SMYD3: variants seen among roughly 807,000 people sequenced by gnomAD.
SMYD3 encodes the protein histone-lysine N-methyltransferase SMYD3.
In SMYD3, 36 loss-of-function variants were observed where a neutral mutation model predicts 57.7. The ratio of observed to expected loss-of-function variants is 0.62; its 90% CI spans 0.48 to 0.82. SMYD3 has a LOEUF of 0.82. SMYD3 is among the 40% of genes least tolerant of loss of function. The pLI, the probability that SMYD3 is intolerant of heterozygous loss-of-function variation, is 0.00. For synonymous variants in SMYD3, 211 were observed against 195.0 expected, an observed-to-expected ratio of 1.08 and a Z score of -0.68; for missense variants, 515 against 538.8, an observed-to-expected ratio of 0.96 and a Z score of 0.44.
At chr1:245,820,592 G>A (rs890684325) in intron 10 of SMYD3, among the ~76,000 whole-genome samples, 2 of 152,092 alleles carry the variant, frequency 1.3e-5, no homozygotes, top group Admixed American at 1.3e-4. Context: ...ATTAGGAAAA[G>A]ACAAGTCAAA....
intron 1 of SMYD3, among the ~76,000 whole-genome samples, chr1:246,501,209 T>C (rs1189134659): frequency 6.6e-6 from 1 of 152,204 alleles, no homozygotes; most frequent in African/African-American, 2.4e-5. Context: ...GTAACGTCTT[T>C]TTACATTATT....
chr1:245,899,556 CATGGACTATA>C (rs2054051522), intron 8 of SMYD3, among the ~76,000 whole-genome samples: 1 of 152,186 alleles, frequency 6.6e-6, no homozygotes, highest in Non-Finnish European at 1.5e-5. Flanking sequence ...TTAGATACAG[CATGGACTATA>C]ATCCAGCAGA....
intron 5 of SMYD3, among the ~76,000 whole-genome samples, chr1:246,175,949 T>A (rs1243165495): frequency 4.6e-5 from 7 of 152,212 alleles, no homozygotes; most frequent in Admixed American, 4.6e-4. Context: ...CTTAAATACA[T>A]TCTCTATGAA....
chr1:245,916,496 A>G (rs191176619), intron 7 of SMYD3, among the ~76,000 whole-genome samples: 21 of 152,188 alleles, frequency 1.4e-4, no homozygotes, highest in African/African-American at 3.9e-4. Context: ...GAGCATTCTC[A>G]CTCTCAGTTG....
chr1:246,302,044 G>T (rs771397494), intron 5 of SMYD3, among the ~76,000 whole-genome samples: 1 of 152,088 alleles, frequency 6.6e-6, no homozygotes, highest in Non-Finnish European at 1.5e-5. Flanking sequence ...TAGAAATACC[G>T]CGTTTCCCTG....
At chr1:246,083,660 A>T (rs933420030) in intron 5 of SMYD3, among the ~76,000 whole-genome samples, 4 of 152,194 alleles carry the variant, frequency 2.6e-5, no homozygotes, top group Non-Finnish European at 5.9e-5. Flanking sequence ...AGCAGACAGG[A>T]AGAGCCAGTT....
intron 5 of SMYD3, among the ~76,000 whole-genome samples, chr1:246,029,609 T>C (rs533448931): frequency 1.6e-4 from 24 of 148,876 alleles, no homozygotes; most frequent in African/African-American, 5.2e-4. Context: ...GAGACAGAGG[T>C]TGCAGTGAGC....
chr1:246,316,633 G>A (rs1317573897), intron 5 of SMYD3, among the ~76,000 whole-genome samples: 1 of 135,736 alleles, frequency 7.4e-6, no homozygotes, highest in Non-Finnish European at 1.5e-5. Flanking sequence ...CACCCACCTT[G>A]GCCTCCCAAA....
intron 10 of SMYD3, among the ~76,000 whole-genome samples, chr1:245,844,738 A>G (rs2050577837): frequency 1.4e-5 from 1 of 69,148 alleles, no homozygotes; most frequent in African/African-American, 5.8e-5. Flanking sequence ...ATGAAAGGCC[A>G]AGAACGGACG....
intron 10 of SMYD3, among the ~76,000 whole-genome samples, chr1:245,783,361 T>C (rs771939999): frequency 3.9e-5 from 6 of 152,318 alleles, no homozygotes; most frequent in East Asian, 3.9e-4. Flanking sequence ...AGACTGAGCA[T>C]ATCCATCTGT....
At chr1:245,930,228 C>A in intron 5 of SMYD3, 2 of 461,374 alleles carry the variant, frequency 4.3e-6, no homozygotes. Flanking sequence ...TTATCCACTA[C>A]CCCAAAGTTA....
Position 246,136,423 on chromosome 1 carries a change from C to A in SMYD3, c.531+190778G>T, listed in dbSNP as rs1431119068. Among the ~76,000 whole-genome samples the A allele has an allele frequency of 2.0e-5, 3 of 152,116 alleles. No individual in the cohort carries two copies. In the East Asian group the frequency reaches 5.8e-4, roughly 29 times the overall value. On this transcript the variant is annotated intron_variant, in intron 5 of 11. Transcript: ENST00000490107. ...CGGAGACAGTTGTGAATAATGCTGC[C>A]CCATCTGAGATAGAACCTTCTTTTG...
At position 246,409,781 on chromosome 1, in the gene SMYD3, C is replaced by T. The variant is rs545301532; in HGVS notation, c.165-54687G>A. Among the ~76,000 whole-genome samples the T allele has an allele frequency of 1.1e-4, 16 of 152,290 alleles. No individual in the cohort carries two copies. In the South Asian group the frequency reaches 3.3e-3, roughly 32 times the overall value. On this transcript the variant is annotated intron_variant, in intron 1 of 11. Coordinates refer to ENST00000490107, the MANE Select transcript of SMYD3 (RefSeq NM_001167740.2). Reference sequence around the variant, plus strand: ...TTACCTTGGGCAGTATAGCTTTTTTCATGATATTGATTCTTCCTACCCATG... The same window carrying T: ...TTACCTTGGGCAGTATAGCTTTTTTTATGATATTGATTCTTCCTACCCATG...
chr1:246,493,914 TCAA>T (rs1471084626), intron 1 of SMYD3, among the ~76,000 whole-genome samples: 1 of 152,200 alleles, frequency 6.6e-6, no homozygotes, highest in African/African-American at 2.4e-5. Flanking sequence ...CTTTAATCGG[TCAA>T]CAACGTGGGT....
chr1:246,483,950 T>G (rs1436909514), intron 1 of SMYD3, among the ~76,000 whole-genome samples: 1 of 151,792 alleles, frequency 6.6e-6, no homozygotes, highest in Non-Finnish European at 1.5e-5. Flanking sequence ...ACATATCACT[T>G]CAACCAAAAT....
chr1:245,754,453 C>T (rs1002328802), intron 11 of SMYD3, among the ~76,000 whole-genome samples: 2 of 151,800 alleles, frequency 1.3e-5, no homozygotes, highest in African/African-American at 4.8e-5. Flanking sequence ...CTTATTCTGC[C>T]CAACTCAGAA....
At chr1:246,041,499 T>A (rs561592499) in intron 5 of SMYD3, among the ~76,000 whole-genome samples, 1 of 152,356 alleles carries the variant, frequency 6.6e-6, no homozygotes. Flanking sequence ...AAGTTAAACT[T>A]CTTTTGTGAA....
intron 8 of SMYD3, among the ~76,000 whole-genome samples, chr1:245,873,181 A>G (rs1252402551): frequency 2.6e-5 from 4 of 152,350 alleles, no homozygotes; most frequent in Non-Finnish European, 5.9e-5. Flanking sequence ...ACACACATGA[A>G]TACATTTAGG....
intron 5 of SMYD3, among the ~76,000 whole-genome samples, chr1:246,077,536 T>TAA (rs5782380): frequency 2.0e-5 from 3 of 150,264 alleles, no homozygotes; most frequent in East Asian, 2.0e-4. Flanking sequence ...ATTTAAAATT[T>TAA]AAAAAAAAGA....
Sources: gnomAD v4.1 joint callset for allele counts (sites outside exome capture counted in the v4.1 genomes callset) on GRCh38, gnomAD v4.1.1 for gene constraint, MANE v1.5 for transcripts, NCBI Gene and HGNC (gene_info 2026-07-23, HGNC 2026-07-21) for gene names.